NME7: variants seen among roughly 807,000 people sequenced by gnomAD.
NME7 encodes the protein nucleoside diphosphate kinase 7.
NME7 carries 41 observed loss-of-function variants against 49.1 expected under a neutral mutation model. The ratio of observed to expected loss-of-function variants is 0.83; its 90% CI spans 0.65 to 1.08. NME7 has a LOEUF of 1.08. NME7 is among the 50% of genes least tolerant of loss of function. The pLI is 0.00. For synonymous variants in NME7, 139 were observed against 150.6 expected, an observed-to-expected ratio of 0.92 and a Z score of 0.56; for missense variants, 423 against 463.4, an observed-to-expected ratio of 0.91 and a Z score of 0.80.
chr1:169,254,146 T>C lies in NME7; in HGVS notation c.755-16459A>G, dbSNP rs867685586. On this transcript the variant is annotated intron_variant, in intron 7 of 11. Transcript: ENST00000367811. ...TAGTTTCAGAAGGAATGGTACCAGT[T>C]CCTCCTTGTACCTCTGGTAGAATTC... Among the ~76,000 whole-genome samples the C allele has an allele frequency of 6.3e-4, 95 of 150,266 alleles. No individual in the cohort carries two copies. The Middle Eastern group carries it at 0.01, about 16-fold the overall frequency.
chr1:169,230,907 T>A, intron 9 of NME7, 88 bp from the exon 10 acceptor site: 1 of 792,312 alleles, frequency 1.3e-6, no homozygotes. Context: ...CTAATGTCCT[T>A]AAAGTCATCT....
intron 10 of NME7, among the ~76,000 whole-genome samples, chr1:169,228,270 G>C (rs1169129819): frequency 6.6e-6 from 1 of 152,048 alleles, no homozygotes; most frequent in East Asian, 1.9e-4. Flanking sequence ...GAATAAATGA[G>C]AGAACAAAAG....
chr1:169,281,342 G>A (rs750333376), intron 7 of NME7, among the ~76,000 whole-genome samples: 48 of 152,184 alleles, frequency 3.2e-4, no homozygotes, highest in Admixed American at 5.9e-4. Context: ...TCAGCATAAG[G>A]AGGTTTTGGG....
chr1:169,298,533 A>T, intron 6 of NME7, 23 bp downstream of exon 6: 1 of 1,605,324 alleles, frequency 6.2e-7, no homozygotes, highest in Non-Finnish European at 8.5e-7. Context: ...GAAGAGCATT[A>T]AAATATTTTT....
chr1:169,311,107 A>G (rs1233012007), intron 3 of NME7, among the ~76,000 whole-genome samples: 4 of 152,086 alleles, frequency 2.6e-5, no homozygotes, highest in Non-Finnish European at 5.9e-5. Context: ...AATAAGACAA[A>G]CTTAGCTCAG....
intron 7 of NME7, chr1:169,287,078 T>C (rs1188134561): frequency 3.7e-5 from 17 of 463,832 alleles, no homozygotes; most frequent in African/African-American, 2.7e-4. Flanking sequence ...AGCCTGAGCA[T>C]GATCAGCAAC....
At chr1:169,149,276 G>A (rs902713016) in intron 11 of NME7, among the ~76,000 whole-genome samples, 2 of 152,092 alleles carry the variant, frequency 1.3e-5, no homozygotes, top group Non-Finnish European at 2.9e-5. Context: ...GGGAGGCGGA[G>A]GTTGCAGTGA....
At chr1:169,250,731 T>C (rs1353918672) in intron 7 of NME7, among the ~76,000 whole-genome samples, 1 of 152,090 alleles carries the variant, frequency 6.6e-6, no homozygotes, top group African/African-American at 2.4e-5. Context: ...CACTGTTAAC[T>C]CAAAAATCAT....
At chr1:169,171,778 C>T (rs988346439) in intron 10 of NME7, among the ~76,000 whole-genome samples, 7 of 150,812 alleles carry the variant, frequency 4.6e-5, no homozygotes. Flanking sequence ...ACAACAACAA[C>T]AACAAAAATG....
chr1:169,251,307 T>C (rs906156147), intron 7 of NME7, among the ~76,000 whole-genome samples: 1 of 152,144 alleles, frequency 6.6e-6, no homozygotes, highest in Non-Finnish European at 1.5e-5. Flanking sequence ...TGCTCACTTT[T>C]GGTTTCCATT....
chr1:169,254,306 C>T lies in NME7; in HGVS notation c.755-16619G>A, dbSNP rs377371227. Among the ~76,000 whole-genome samples the T allele has an allele frequency of 1.2e-3, 176 of 152,108 alleles. 1 individual carries two copies. The highest frequency in any genetic ancestry group is 6.8e-3 in the East Asian group (35 of 5,126). ...TTTAGTCTTGGGAGAGTGTATGTGTCGAGGAATTTATCCATTTCTTCTCGA... is the reference window on the plus strand; with the variant it reads ...TTTAGTCTTGGGAGAGTGTATGTGTTGAGGAATTTATCCATTTCTTCTCGA... On this transcript the variant is annotated intron_variant, in intron 7 of 11. Coordinates refer to ENST00000367811, the MANE Select transcript of NME7 (RefSeq NM_013330.5).
At chr1:169,173,359 A>C (rs1659658173) in intron 10 of NME7, among the ~76,000 whole-genome samples, 1 of 152,174 alleles carries the variant, frequency 6.6e-6, no homozygotes, top group Non-Finnish European at 1.5e-5. Context: ...TAAAGGTATA[A>C]GTTTAGATTA....
chr1:169,278,329 A>C (rs1374570737), intron 7 of NME7, among the ~76,000 whole-genome samples: 2 of 151,824 alleles, frequency 1.3e-5, no homozygotes, highest in Non-Finnish European at 2.9e-5. Flanking sequence ...TACACCAATC[A>C]GACATAGATT....
At chr1:169,301,539 G>C (rs1052311692) in intron 5 of NME7, among the ~76,000 whole-genome samples, 6 of 151,974 alleles carry the variant, frequency 3.9e-5, no homozygotes, top group African/African-American at 1.4e-4. Context: ...TTAAAACAGA[G>C]CTACCATTTA....
intron 7 of NME7, among the ~76,000 whole-genome samples, chr1:169,276,947 C>A (rs142156028): frequency 6.7e-6 from 1 of 149,796 alleles, no homozygotes; most frequent in Non-Finnish European, 1.5e-5. Context: ...CGTTATGTAC[C>A]CAGTAGTCAT....
chr1:169,308,015 A>G (rs1352035408), intron 4 of NME7, among the ~76,000 whole-genome samples: 1 of 131,406 alleles, frequency 7.6e-6, no homozygotes, highest in African/African-American at 3.0e-5. Flanking sequence ...GCAAGACTCC[A>G]TCTCAAAAAA....
intron 1 of NME7, among the ~76,000 whole-genome samples, chr1:169,364,122 G>A (rs939814370): frequency 5.9e-5 from 9 of 152,078 alleles, no homozygotes; most frequent in Non-Finnish European, 1.2e-4. Flanking sequence ...ACCACTTAGC[G>A]CATTCTTTCT....
intron 7 of NME7, among the ~76,000 whole-genome samples, chr1:169,251,675 G>T: frequency 7.0e-6 from 1 of 143,718 alleles, no homozygotes; most frequent in African/African-American, 2.6e-5. Context: ...TCATCATCTA[G>T]CATTAGGTAT....
chr1:169,192,663 GT>G (rs1434017674), intron 10 of NME7, among the ~76,000 whole-genome samples: 5 of 152,098 alleles, frequency 3.3e-5, no homozygotes, highest in Non-Finnish European at 7.4e-5. Context: ...CTCTGTAACA[GT>G]TCTGTAAATT....
Sources: gnomAD v4.1 joint callset for allele counts (sites outside exome capture counted in the v4.1 genomes callset) on GRCh38, gnomAD v4.1.1 for gene constraint, MANE v1.5 for transcripts, NCBI Gene and HGNC (gene_info 2026-07-23, HGNC 2026-07-21) for gene names.